Variants in LRP1B observed in about 807,000 individuals in gnomAD.
LRP1B encodes the protein LDL receptor related protein 1B.
LRP1B carries 217 observed loss-of-function variants against 556.6 expected under a neutral mutation model. That is an observed-to-expected ratio of 0.39 (90% CI 0.35 to 0.44). The LOEUF is 0.44. LRP1B is among the 20% of genes least tolerant of loss of function. The probability of loss-of-function intolerance (pLI) is 1.00; values close to 1 mark genes in which losing one functional copy is unlikely to be tolerated. For synonymous variants in LRP1B, 2,047 were observed against 1,865.8 expected (o/e 1.10, Z -2.50); for missense variants, 5,053 against 5,620.8 (o/e 0.90, Z 3.23).
At chr2:142,005,111 T>A (rs1254711252) in intron 1 of LRP1B, among the ~76,000 whole-genome samples, 1 of 148,544 alleles carries the variant, frequency 6.7e-6, no homozygotes, top group Non-Finnish European at 1.5e-5. Context: ...TATTAGTTAT[T>A]TACTATATAT....
At chr2:140,843,105 T>G (rs1321394544) in intron 29 of LRP1B, among the ~76,000 whole-genome samples, 25 of 77,778 alleles carry the variant, frequency 3.2e-4, no homozygotes, top group African/African-American at 5.6e-4. Flanking sequence ...TTTTTGTTTT[T>G]TTTTTGGTGG....
intron 7 of LRP1B, among the ~76,000 whole-genome samples, chr2:141,178,157 T>C (rs1365551235): frequency 6.6e-6 from 1 of 152,030 alleles, no homozygotes; most frequent in Non-Finnish European, 1.5e-5. Context: ...GTTTATGAAA[T>C]ACACAGAGCC....
At chr2:140,741,150 A>G (rs1207636380) in intron 35 of LRP1B, among the ~76,000 whole-genome samples, 1 of 152,228 alleles carries the variant, frequency 6.6e-6, no homozygotes, top group Non-Finnish European at 1.5e-5. Flanking sequence ...TCTTTAAAGC[A>G]CAAGAAAAGC....
chr2:141,313,085 C>T (rs973971573), intron 3 of LRP1B, among the ~76,000 whole-genome samples: 4 of 152,092 alleles, frequency 2.6e-5, no homozygotes, highest in East Asian at 1.9e-4. Flanking sequence ...CTCCCCACCC[C>T]GACACACAGT....
At chr2:140,605,303 A>G (rs1682827081) in intron 41 of LRP1B, among the ~76,000 whole-genome samples, 1 of 152,130 alleles carries the variant, frequency 6.6e-6, no homozygotes, top group Admixed American at 6.6e-5. Context: ...AGAGCCTAAA[A>G]TAAGAAGTTC....
chr2:141,713,769 A>G (rs1309108728), intron 2 of LRP1B, among the ~76,000 whole-genome samples: 1 of 152,188 alleles, frequency 6.6e-6, no homozygotes, highest in East Asian at 1.9e-4. Context: ...CATATGAGTC[A>G]TATTATTATG....
chr2:141,550,515 T>C (rs1298368581), intron 2 of LRP1B, among the ~76,000 whole-genome samples: 1 of 152,192 alleles, frequency 6.6e-6, no homozygotes, highest in Non-Finnish European at 1.5e-5. Flanking sequence ...TCTCAAAAAG[T>C]ACTATAACGT....
At chr2:141,746,226 T>A (rs1048486543) in intron 2 of LRP1B, among the ~76,000 whole-genome samples, 1 of 152,138 alleles carries the variant, frequency 6.6e-6, no homozygotes, top group Non-Finnish European at 1.5e-5. Flanking sequence ...GTCTAGGGGT[T>A]GTAGTCTTTA....
At chr2:141,572,020 C>T (rs948004829) in intron 2 of LRP1B, among the ~76,000 whole-genome samples, 1 of 152,080 alleles carries the variant, frequency 6.6e-6, no homozygotes, top group Non-Finnish European at 1.5e-5. Flanking sequence ...GGATATTATC[C>T]AGGAGAATTT....
At chr2:142,087,250 G>A (rs969269544) in intron 1 of LRP1B, among the ~76,000 whole-genome samples, 5 of 149,352 alleles carry the variant, frequency 3.3e-5, no homozygotes, top group African/African-American at 1.2e-4. Flanking sequence ...AAAAAGAAAT[G>A]TCAGGCTAGG....
Position 140,989,406 on chromosome 2 carries a change from A to G in LRP1B, c.2770+126T>C. On this transcript the variant is annotated intron_variant, in intron 17 of 90. Transcript: ENST00000389484. ...CTTTGTGGCATCAAACTCTGAATTC[A>G]TTTACTACTGCAATAATCAGATCAT... is the stretch of plus-strand genomic sequence containing the variant. 5 of 976,772 alleles carry G rather than the reference A, an allele frequency of 5.1e-6. 1 individual carries two copies. The highest frequency in any genetic ancestry group is 7.7e-6 in the Non-Finnish European group (5 of 650,584). The allele number at this position is 976,772 out of a possible 1,614,324, so 60.5% of individuals were successfully genotyped here. A position where few individuals can be genotyped will look rare whatever the true frequency, so the allele number is the denominator to read the frequency against.
intron 49 of LRP1B, among the ~76,000 whole-genome samples, chr2:140,524,900 A>G (rs552209506): frequency 2.0e-5 from 3 of 151,990 alleles, no homozygotes; most frequent in African/African-American, 7.2e-5. Context: ...ATCATGCAGT[A>G]TACCCAAGTA....
chr2:142,124,416 T>G (rs4662400), intron 1 of LRP1B, among the ~76,000 whole-genome samples: 93,312 of 149,770 alleles, frequency 0.62, 29,479 homozygotes, highest in Non-Finnish European at 0.66. Flanking sequence ...ATGAAAATTA[T>G]TATAGTCATA....
intron 3 of LRP1B, among the ~76,000 whole-genome samples, chr2:141,276,744 C>T (rs528570472): frequency 1.5e-4 from 23 of 150,694 alleles, no homozygotes; most frequent in African/African-American, 5.4e-4. Flanking sequence ...GCAAGCTCCG[C>T]CTCCCCGGTT....
Position 140,233,298 on chromosome 2 carries a change from G to A in LRP1B, c.13688C>T (p.Ala4563Val), listed in dbSNP as rs2104870922. ...GTTTTGCCCATCCATATATAATTTT[G>A]CATATACCGGATTGGAGTAATTTGT... ...GPTNYSNPVY[A>V]KLYMDGQNCR... Residue 4563 changes from alanine to valine, a missense_variant, in exon 91 of 91, where the codon GCA becomes GTA. Ala to Val is a moderately conservative substitution (Grantham distance 64). Around this residue, in one of 5 missense-constraint regions of LRP1B, gnomAD observed 551 missense variants for 592.0 expected, o/e 0.93. Transcript: ENST00000389484. 6.2e-7 allele frequency: 1 copy of A among 1,600,692 alleles called. No homozygotes were observed. The highest frequency in any genetic ancestry group is 8.5e-7 in the Non-Finnish European group (1 of 1,171,946).
intron 7 of LRP1B, among the ~76,000 whole-genome samples, chr2:141,073,528 G>A (rs559624251): frequency 6.6e-6 from 1 of 151,998 alleles, no homozygotes; most frequent in Non-Finnish European, 1.5e-5. Context: ...ATGTTCCCAT[G>A]ACTTTCATTA....
chr2:140,479,710 G>C (rs1026627293), intron 59 of LRP1B, among the ~76,000 whole-genome samples: 1 of 152,082 alleles, frequency 6.6e-6, no homozygotes, highest in Non-Finnish European at 1.5e-5. Flanking sequence ...TTATTTCCCT[G>C]TGTGTTTTTG....
At chr2:140,926,949 A>G (rs1436153118) in intron 20 of LRP1B, among the ~76,000 whole-genome samples, 2 of 152,082 alleles carry the variant, frequency 1.3e-5, no homozygotes, top group African/African-American at 2.4e-5. Flanking sequence ...TATGCTTTAT[A>G]TTCATTACAT....
intron 51 of LRP1B, among the ~76,000 whole-genome samples, chr2:140,511,968 T>C (rs1399517542): frequency 6.6e-6 from 1 of 152,226 alleles, no homozygotes; most frequent in African/African-American, 2.4e-5. Flanking sequence ...TATTCTCAAT[T>C]CAATGCTTTG....
Sources: allele counts gnomAD v4.1 joint callset (sites outside exome capture counted in the v4.1 genomes callset), GRCh38; gene constraint gnomAD v4.1.1; regional missense constraint gnomAD v4.1.1; transcripts MANE v1.5; gene names NCBI Gene and HGNC (gene_info 2026-07-23, HGNC 2026-07-21).